Variants in SAMMSON observed in about 807,000 individuals in gnomAD.
SAMMSON encodes the protein long intergenic non-protein coding RNA 1212.
At chr3:70,281,783 A>T (rs1013912648) in intron 6 of SAMMSON, among the ~76,000 whole-genome samples, 1 of 152,184 alleles carries the variant, frequency 6.6e-6, no homozygotes. Flanking sequence ...TGATTCCAGC[A>T]GTTCAAAATT....
intron 4 of SAMMSON, among the ~76,000 whole-genome samples, chr3:70,128,177 T>A (rs987028188): frequency 2.0e-5 from 3 of 152,212 alleles, no homozygotes; most frequent in African/African-American, 7.2e-5. Flanking sequence ...CGGCTGATCC[T>A]GACATTTGGA....
At chr3:70,192,246 T>A (rs541947044) in intron 4 of SAMMSON, among the ~76,000 whole-genome samples, 1 of 152,326 alleles carries the variant, frequency 6.6e-6, no homozygotes, top group East Asian at 1.9e-4. Flanking sequence ...TGCAAGCACC[T>A]CTAATACAGG....
At chr3:70,040,371 A>C (rs532835076) in intron 3 of SAMMSON, among the ~76,000 whole-genome samples, 1 of 152,276 alleles carries the variant, frequency 6.6e-6, no homozygotes, top group East Asian at 1.9e-4. Flanking sequence ...ACTACGGTGC[A>C]GAAAGGTTAA....
chr3:70,283,259 G>A (rs1702106658), intron 6 of SAMMSON, among the ~76,000 whole-genome samples: 1 of 152,072 alleles, frequency 6.6e-6, no homozygotes, highest in South Asian at 2.1e-4. Context: ...GTAAACTCAT[G>A]CAGTCCTCTG....
At chr3:70,246,423 A>G (rs1467205750) in intron 4 of SAMMSON, among the ~76,000 whole-genome samples, 1 of 152,060 alleles carries the variant, frequency 6.6e-6, no homozygotes, top group Non-Finnish European at 1.5e-5. Context: ...TGTTCAATCC[A>G]CTGGTCCACT....
intron 3 of SAMMSON, among the ~76,000 whole-genome samples, chr3:70,043,964 T>C (rs2107587240): frequency 6.6e-6 from 1 of 152,214 alleles, no homozygotes; most frequent in Non-Finnish European, 1.5e-5. Context: ...ATTACTCTTT[T>C]TTAGGTATTC....
intron 7 of SAMMSON, among the ~76,000 whole-genome samples, chr3:70,321,143 A>G (rs1702535795): frequency 6.6e-6 from 1 of 152,092 alleles, no homozygotes; most frequent in Admixed American, 6.6e-5. Context: ...CACAAGGCAT[A>G]TGCTTTGATC....
At chr3:70,023,974 C>T (rs954275271) in intron 3 of SAMMSON, among the ~76,000 whole-genome samples, 1 of 151,958 alleles carries the variant, frequency 6.6e-6, no homozygotes, top group Non-Finnish European at 1.5e-5. Flanking sequence ...CTCCAGCTGA[C>T]CTTATCAGGC....
chr3:70,059,587 A>G (rs2067180195), intron 3 of SAMMSON, among the ~76,000 whole-genome samples: 1 of 152,050 alleles, frequency 6.6e-6, no homozygotes, highest in African/African-American at 2.4e-5. Context: ...GAAAAGAGAG[A>G]GCAAATTTAT....
At chr3:70,104,953 A>G in intron 4 of SAMMSON, among the ~76,000 whole-genome samples, 1 of 152,186 alleles carries the variant, frequency 6.6e-6, no homozygotes, top group South Asian at 2.1e-4. Context: ...TTCTATTTAA[A>G]GTAGTAATTA....
At chr3:70,147,074 G>A (rs1009129524) in intron 4 of SAMMSON, among the ~76,000 whole-genome samples, 1 of 151,916 alleles carries the variant, frequency 6.6e-6, no homozygotes, top group Non-Finnish European at 1.5e-5. Flanking sequence ...TATGATAGCT[G>A]CTGCAAAATG....
At chr3:70,290,405 C>T (rs7611344) in intron 6 of SAMMSON, among the ~76,000 whole-genome samples, 8,249 of 152,284 alleles carry the variant, frequency 0.054, 592 homozygotes, top group East Asian at 0.37. Context: ...CTTGAGGAGG[C>T]AGTCTGCCCC....
intron 4 of SAMMSON, among the ~76,000 whole-genome samples, chr3:70,231,157 A>G (rs1701556431): frequency 6.6e-6 from 1 of 152,190 alleles, no homozygotes; most frequent in African/African-American, 2.4e-5. Flanking sequence ...GAAAAATATT[A>G]TTGCCTGACA....
intron 4 of SAMMSON, among the ~76,000 whole-genome samples, chr3:70,121,842 T>G (rs1435376612): frequency 1.3e-5 from 2 of 152,126 alleles, no homozygotes; most frequent in Non-Finnish European, 2.9e-5. Context: ...CTTAACTACT[T>G]TAAGCTTGCA....
intron 4 of SAMMSON, among the ~76,000 whole-genome samples, chr3:70,114,473 A>C (rs2067402177): frequency 1.3e-5 from 2 of 152,352 alleles, no homozygotes; most frequent in South Asian, 4.1e-4. Flanking sequence ...ACAGGCAATA[A>C]AACACACCAC....
At chr3:70,285,551 A>G (rs59967808) in intron 6 of SAMMSON, among the ~76,000 whole-genome samples, 1 of 151,816 alleles carries the variant, frequency 6.6e-6, no homozygotes, top group African/African-American at 2.4e-5. Flanking sequence ...AGCATGATTT[A>G]TAGTCCTTTG....
chr3:70,250,151 C>T (rs949743089), intron 6 of SAMMSON, among the ~76,000 whole-genome samples: 3 of 152,258 alleles, frequency 2.0e-5, no homozygotes, highest in South Asian at 4.1e-4. Context: ...TTATTCTTCT[C>T]TGTTCAATAA....
chr3:70,030,888 A>G (rs1170194921), intron 3 of SAMMSON, among the ~76,000 whole-genome samples: 1 of 152,224 alleles, frequency 6.6e-6, no homozygotes, highest in African/African-American at 2.4e-5. Context: ...TTTTTAAAAA[A>G]GAAAATAACA....
At chr3:70,400,549 CA>C (rs1701131749) in intron 2 of SAMMSON, among the ~76,000 whole-genome samples, 3 of 152,142 alleles carry the variant, frequency 2.0e-5, no homozygotes. Flanking sequence ...AATCATGAGC[CA>C]AATAAACATC....
Sources: allele counts gnomAD v4.1 joint callset (sites outside exome capture counted in the v4.1 genomes callset), GRCh38; gene constraint gnomAD v4.1.1; transcripts MANE v1.5; gene names NCBI Gene and HGNC (gene_info 2026-07-23, HGNC 2026-07-21).